Variants in KLF8 observed in about 807,000 individuals in gnomAD.
KLF8 encodes the protein Krueppel-like factor 8.
KLF8 carries 10 observed loss-of-function variants against 18.2 expected under a neutral mutation model. The ratio of observed to expected loss-of-function variants is 0.55; its 90% CI spans 0.34 to 0.93. The LOEUF is 0.93. Ranked by LOEUF, KLF8 falls within the 40% of genes least tolerant of loss-of-function variation. The pLI is 0.02. For synonymous variants in KLF8, 109 were observed against 97.3 expected (o/e 1.12, Z -0.71); for missense variants, 264 against 277.9 (o/e 0.95, Z 0.36).
the KLF8 span, among the ~76,000 whole-genome samples, chrX:56,105,654 T>G: frequency 1.8e-5 from 2 of 110,770 alleles, no homozygotes; most frequent in Admixed American, 1.9e-4. Flanking sequence ...GGTTCTTGAC[T>G]CTTTATCCAA....
chrX:56,202,771 G>A, the KLF8 span, among the ~76,000 whole-genome samples: 4 of 110,658 alleles, frequency 3.6e-5, no homozygotes, highest in African/African-American at 1.3e-4. Flanking sequence ...TTCTTTTTGT[G>A]GCTGAATAAT....
At chrX:56,173,006 G>T in the KLF8 span, among the ~76,000 whole-genome samples, 37 of 111,922 alleles carry the variant, frequency 3.3e-4, no homozygotes, top group African/African-American at 1.1e-3. Context: ...TTAACCCTTT[G>T]TCAGATGAGA....
At chrX:56,251,550 C>T (rs914497701) in intron 2 of KLF8, among the ~76,000 whole-genome samples, 1 of 110,976 alleles carries the variant, frequency 9.0e-6, no homozygotes, top group Non-Finnish European at 1.9e-5. Flanking sequence ...GCATCCTCTG[C>T]CTTCCAGGTT....
the KLF8 span, among the ~76,000 whole-genome samples, chrX:56,196,558 A>C: frequency 8.9e-6 from 1 of 112,325 alleles, no homozygotes; most frequent in Non-Finnish European, 1.9e-5. Flanking sequence ...TATCCTAAAG[A>C]TATGTGCACC....
At chrX:55,992,778 C>T in the KLF8 span, among the ~76,000 whole-genome samples, 1 of 111,454 alleles carries the variant, frequency 9.0e-6, no homozygotes, top group Admixed American at 9.5e-5. Context: ...GTCCTTTGAG[C>T]AGTGTTTTGT....
At chrX:56,175,353 T>G in the KLF8 span, among the ~76,000 whole-genome samples, 1 of 112,298 alleles carries the variant, frequency 8.9e-6, no homozygotes, top group Non-Finnish European at 1.9e-5. Flanking sequence ...TTTCGTTATG[T>G]ACCGAGTAGT....
the KLF8 span, among the ~76,000 whole-genome samples, chrX:56,169,627 G>C: frequency 9.0e-6 from 1 of 111,502 alleles, no homozygotes; most frequent in African/African-American, 3.3e-5. Flanking sequence ...GAGAAGAGTG[G>C]GAAGCACTGT....
At chrX:55,957,872 T>C in the KLF8 span, among the ~76,000 whole-genome samples, 1 of 111,882 alleles carries the variant, frequency 8.9e-6, no homozygotes, top group Non-Finnish European at 1.9e-5. Flanking sequence ...TAAGTGTTTA[T>C]CATAAACTCA....
chrX:56,002,912 T>A, the KLF8 span, among the ~76,000 whole-genome samples: 2 of 112,191 alleles, frequency 1.8e-5, no homozygotes, highest in East Asian at 5.6e-4. Context: ...GAATATCCAA[T>A]GCTACAAAAG....
At chrX:56,170,487 G>T in the KLF8 span, among the ~76,000 whole-genome samples, 4 of 110,022 alleles carry the variant, frequency 3.6e-5, no homozygotes, top group African/African-American at 1.3e-4. Context: ...GTAACAAAGA[G>T]ATTGAAATAA....
chrX:56,185,865 C>T, the KLF8 span, among the ~76,000 whole-genome samples: 16 of 111,736 alleles, frequency 1.4e-4, no homozygotes, highest in African/African-American at 3.9e-4. Context: ...AAAAGAGATC[C>T]TGAAGGAAGC....
chrX:56,114,572 AGAGGTGT>A, the KLF8 span, among the ~76,000 whole-genome samples: 1 of 112,798 alleles, frequency 8.9e-6, no homozygotes, highest in South Asian at 3.6e-4. Flanking sequence ...ACCTGTGCCA[AGAGGTGT>A]GAAAAGTGGA....
chrX:56,049,383 G>A, the KLF8 span, among the ~76,000 whole-genome samples: 1 of 111,275 alleles, frequency 9.0e-6, no homozygotes, highest in African/African-American at 3.3e-5. Context: ...TGTCCATTCA[G>A]TATGATATTG....
chrX:56,284,539 G>C lies in KLF8; in HGVS notation c.*45G>C, dbSNP rs777105641. 1.9e-6 allele frequency: 2 copies of C among 1,043,100 alleles called. No individual in the cohort carries two copies. The highest frequency in any genetic ancestry group is 5.8e-5 in the South Asian group (2 of 34,230). 86.0% of individuals were successfully genotyped at this position (1,043,100 alleles called of 1,213,427 possible). A position where few individuals can be genotyped will look rare whatever the true frequency, so the allele number is the denominator to read the frequency against. On this transcript the variant is annotated 3_prime_UTR_variant, in exon 6 of 6. Coordinates refer to ENST00000468660, the MANE Select transcript of KLF8 (RefSeq NM_007250.5). ...AGAAGCTGCGCTGGTATCTTTCCTG[G>C]TCGTGTGCTGAGGTTGGGACAATTT...
chrX:55,949,420 G>C, the KLF8 span, among the ~76,000 whole-genome samples: 50 of 108,822 alleles, frequency 4.6e-4, no homozygotes, highest in Admixed American at 1.1e-3. Flanking sequence ...CTTTCGTAGA[G>C]GATCCTCTGT....
chrX:56,073,061 A>G, the KLF8 span, among the ~76,000 whole-genome samples: 13,077 of 104,385 alleles, frequency 0.13, 1,581 homozygotes, highest in African/African-American at 0.37. Context: ...ATTTCGGCTC[A>G]CTGCAACCTC....
the KLF8 span, among the ~76,000 whole-genome samples, chrX:56,132,022 G>A: frequency 1.8e-5 from 2 of 111,285 alleles, no homozygotes; most frequent in Admixed American, 9.6e-5. Context: ...AATGACAGAT[G>A]GCAACACAAT....
chrX:56,278,081 G>C (rs2067145939), intron 5 of KLF8, among the ~76,000 whole-genome samples: 1 of 112,633 alleles, frequency 8.9e-6, no homozygotes. Context: ...GGCAGATCCA[G>C]AAATGCCATG....
chrX:55,977,949 G>A, the KLF8 span, among the ~76,000 whole-genome samples: 2 of 110,345 alleles, frequency 1.8e-5, no homozygotes, highest in Non-Finnish European at 3.8e-5. Context: ...TTTGGTCTAC[G>A]TTATAATTAT....
Sources: gnomAD v4.1 joint callset for allele counts (sites outside exome capture counted in the v4.1 genomes callset) on GRCh38, gnomAD v4.1.1 for gene constraint, MANE v1.5 for transcripts, NCBI Gene and HGNC (gene_info 2026-07-23, HGNC 2026-07-21) for gene names.